The following CD163L1 variants were observed in gnomAD, a reference collection of about 807,000 sequenced individuals.
The protein encoded by CD163L1 is scavenger receptor cysteine-rich type 1 protein M160.
CD163L1 carries 124 observed loss-of-function variants against 165.4 expected under a neutral mutation model. The ratio of observed to expected loss-of-function variants is 0.75; its 90% confidence interval spans 0.65 to 0.87. CD163L1 has a LOEUF of 0.87. Among genes scored for constraint, CD163L1 ranks in the 40% least tolerant of loss-of-function variants. The probability of loss-of-function intolerance (pLI) is 0.00; values close to 1 mark genes in which losing one functional copy is unlikely to be tolerated. For missense variants in CD163L1, 1,525 were observed against 1,799.9 expected (o/e 0.85, Z 2.76); for synonymous variants, 585 against 662.2 (o/e 0.88, Z 1.79).
At position 7,368,444 on chromosome 12, in the gene CD163L1, TA is replaced by T. The variant is rs1947067641; in HGVS notation, c.4073-248del. Among the ~76,000 whole-genome samples the T allele has an allele frequency of 6.6e-6, 1 of 152,138 alleles. No individual in the cohort carries two copies. The highest frequency in any genetic ancestry group is 6.5e-5 in the Admixed American group (1 of 15,270). ...TTCCAATTTTATACAAGAGATTTGA[TA>T]ACTAAACCTTTCCTCTTGCATTGCA... On this transcript the variant is annotated intron_variant, in intron 16 of 19. Coordinates refer to ENST00000313599, the MANE Select transcript of CD163L1 (RefSeq NM_174941.6). The surrounding 1 kb of genome is among the most constrained non-coding windows in gnomAD (Gnocchi z 4.3).
intron 4 of CD163L1, among the ~76,000 whole-genome samples, chr12:7,421,929 C>T (rs1948448222): frequency 6.6e-6 from 1 of 151,910 alleles, no homozygotes; most frequent in African/African-American, 2.4e-5. Flanking sequence ...TACCACAGTG[C>T]TCGAGCTCTG....
At position 7,374,625 on chromosome 12, in the gene CD163L1, T is replaced by G. The variant is rs1947220733; in HGVS notation, c.3226A>C (p.Lys1076Gln). 6.2e-7 allele frequency: 1 copy of G among 1,614,172 alleles called. No individual in the cohort carries two copies. Among genetic ancestry groups the G allele is most frequent in the Non-Finnish European group, 8.5e-7 (1 of 1,180,018 alleles). ...DLSDAHVVCQKLGCGVAFNAT... is the reference protein window; with the variant it reads ...DLSDAHVVCQQLGCGVAFNAT... ...TTGAAGGCCACTCCACAGCCCAGCT[T>G]TTGACACACCACGTGGGCATCGCTC... Residue 1076 changes from lysine (K) to glutamine (Q), a missense_variant, in exon 13 of 20, where the codon AAG (lysine) becomes CAG (glutamine). By Grantham distance (53) the Lys-to-Gln change is moderately conservative. Transcript: ENST00000313599. This position sits in a 1 kb window ranked among gnomAD's most constrained non-coding sequence, Gnocchi z 5.4.
At position 7,374,980 on chromosome 12, in the gene CD163L1, T is replaced by G; in HGVS notation, c.3002-57A>C. The G allele has an allele frequency of 6.8e-7, 1 of 1,468,668 alleles. No individual in the cohort carries two copies. The highest frequency in any genetic ancestry group is 1.7e-5 in the Admixed American group (1 of 59,640). The allele number at this position is 1,468,668 out of a possible 1,614,324, so 91.0% of individuals were successfully genotyped here. On this transcript the variant is annotated intron_variant, in intron 11 of 19. Transcript: ENST00000313599. This position sits in a 1 kb window ranked among gnomAD's most constrained non-coding sequence, Gnocchi z 5.4. ...TAAGACCAAAATACATGGAAAAGGT[T>G]GAAGAGTTCTGTAACAACATGGAAT... is the stretch of plus-strand genomic sequence containing the variant.
the CD163L1 span, among the ~76,000 whole-genome samples, chr12:7,319,294 C>G: frequency 6.6e-6 from 1 of 152,042 alleles, no homozygotes; most frequent in African/African-American, 2.4e-5. Flanking sequence ...GGTGGTAATG[C>G]GGGCAATGGG....
downstream of CD163L1, among the ~76,000 whole-genome samples, chr12:7,352,483 A>C (rs1312783147): frequency 2.6e-5 from 4 of 152,154 alleles, no homozygotes; most frequent in Admixed American, 2.6e-4. Context: ...ACACATGCAG[A>C]AGAAGAGACA....
chr12:7,375,042 C>G, intron 11 of CD163L1, 119 bp from the exon 12 acceptor site: 1 of 980,362 alleles, frequency 1.0e-6, no homozygotes, highest in South Asian at 1.5e-5. Context: ...ACCCTGTCGT[C>G]TATTGAAATC....
intron 9 of CD163L1, among the ~76,000 whole-genome samples, chr12:7,376,923 T>G (rs1947282504): frequency 6.6e-6 from 1 of 152,194 alleles, no homozygotes; most frequent in East Asian, 1.9e-4. Context: ...AGAGGTTATT[T>G]AAAATGATGT....
In CD163L1 at chr12:7,369,622, T is replaced by C. The variant is rs1200807147; in HGVS notation, c.3774A>G (p.Arg1258=). 2 of 1,613,860 alleles carry C rather than the reference T, an allele frequency of 1.2e-6. No homozygotes were observed. The highest frequency in any genetic ancestry group is 2.7e-5 in the African/African-American group (2 of 74,844). The change falls in exon 15 of 20, where the codon AGA becomes AGG. Residue 1258 remains arginine (R), a synonymous_variant. Transcript: ENST00000313599. This position sits in a 1 kb window ranked among gnomAD's most constrained non-coding sequence, Gnocchi z 4.9. ...VRGGDTECSG[R]VEIWHAGSWG... The stretch of plus-strand genomic sequence containing the variant: ...AGGAGCCTGCGTGCCAGATCTCCAC[T>C]CTCCCAGAGCACTCGGTGTCTCCTC...
chr12:7,375,036 T>G, intron 11 of CD163L1, 113 bp from the exon 12 acceptor site: 1 of 1,011,054 alleles, frequency 9.9e-7, no homozygotes, highest in Non-Finnish European at 1.5e-6. Context: ...TTTCAAACCC[T>G]GTCGTCTATT....
chr12:7,394,577 G>C (rs1257494405), intron 8 of CD163L1, among the ~76,000 whole-genome samples: 1 of 152,080 alleles, frequency 6.6e-6, no homozygotes, highest in South Asian at 2.1e-4. Context: ...GGCAACAAAA[G>C]CCAAAATTGA....
rs1947839082 is a variant in CD163L1 at position 7,398,779 on chromosome 12, A to G, written c.1409-195T>C. On this transcript the variant is annotated intron_variant, in intron 6 of 19. Transcript: ENST00000313599. The surrounding 1 kb of genome is among the most constrained non-coding windows in gnomAD (Gnocchi z 4.5). ...ATTTTTGGAGAGAAGGTGTCTCTAA[A>G]GCATGAAACGACGACAGCAAATTTA... is the stretch of plus-strand genomic sequence containing the variant. Among the ~76,000 whole-genome samples, 3 of 152,206 alleles carry G rather than the reference A, an allele frequency of 2.0e-5. No homozygotes were observed. The highest frequency in any genetic ancestry group is 7.2e-5 in the African/African-American group (3 of 41,456).
chr12:7,346,560 A>G (rs1011164648), downstream of CD163L1: 10 of 152,086 alleles, frequency 6.6e-5, no homozygotes, highest in African/African-American at 2.2e-4. Flanking sequence ...AGAGACTGCA[A>G]CTCTTAAGGC....
downstream of CD163L1, among the ~76,000 whole-genome samples, chr12:7,353,350 TA>T (rs1306393927): frequency 1.3e-5 from 2 of 150,974 alleles, no homozygotes; most frequent in Non-Finnish European, 3.0e-5. Flanking sequence ...GAGAAAGAGG[TA>T]GAAAAATATT....
At chr12:7,440,714 C>T (rs750061959) in intron 2 of CD163L1, among the ~76,000 whole-genome samples, 4 of 150,792 alleles carry the variant, frequency 2.7e-5, no homozygotes, top group African/African-American at 9.7e-5. Flanking sequence ...ACAACCTCCA[C>T]TTCCTGGGTT....
the CD163L1 span, chr12:7,324,700 T>C: frequency 7.6e-7 from 1 of 1,314,872 alleles, no homozygotes. Context: ...CTATTAATTC[T>C]CGTTATGAAG....
At position 7,406,839 on chromosome 12, in the gene CD163L1, A is replaced by G. The variant is rs1948030966; in HGVS notation, c.780T>C (p.Leu260=). 6.2e-7 allele frequency: 1 copy of G among 1,613,870 alleles called. No individual in the cohort carries two copies. The highest frequency in any genetic ancestry group is 1.3e-5 in the African/African-American group (1 of 74,912). ...VTLTCYDSSD[L]ELRLVGGTNR... The stretch of plus-strand genomic sequence containing the variant: ...TAGTTCCACCTACAAGCCTTAGTTC[A>G]AGATCACTACTATCTGAAACAGAGA... Residue 260 remains leucine, a synonymous_variant, in exon 5 of 20, where the codon CTT becomes CTC. Coordinates refer to ENST00000313599, the MANE Select transcript of CD163L1 (RefSeq NM_174941.6).
chr12:7,361,986 C>T (rs1328720264), intron 18 of CD163L1, among the ~76,000 whole-genome samples: 1 of 151,728 alleles, frequency 6.6e-6, no homozygotes, highest in African/African-American at 2.4e-5. Flanking sequence ...CTATGTACCT[C>T]TTATAAAGTG....
In CD163L1 at chr12:7,368,877, G is replaced by T; in HGVS notation, c.4072+56C>A. ...ATCATAGCAGTTTCTGCCCTCCCTT[G>T]ACCTTCCATGTAGCCTTAGGTATTT... On this transcript the variant is annotated intron_variant, in intron 16 of 19. Transcript: ENST00000313599. This position sits in a 1 kb window ranked among gnomAD's most constrained non-coding sequence, Gnocchi z 4.3. The T allele has an allele frequency of 1.3e-6, 2 of 1,588,580 alleles. No homozygotes were observed. The highest frequency in any genetic ancestry group is 2.2e-5 in the South Asian group (2 of 90,276).
intron 9 of CD163L1, among the ~76,000 whole-genome samples, chr12:7,378,118 C>CT (rs1416108403): frequency 1.3e-5 from 2 of 152,244 alleles, no homozygotes; most frequent in Non-Finnish European, 2.9e-5. Context: ...GATGATGACA[C>CT]TGCAGTGCAC....
Sources: gnomAD v4.1 joint callset for allele counts (sites outside exome capture counted in the v4.1 genomes callset) on GRCh38, gnomAD v4.1.1 for gene constraint, Gnocchi (gnomAD v3.1) non-coding constraint, MANE v1.5 for transcripts, NCBI Gene and HGNC (gene_info 2026-07-23, HGNC 2026-07-21) for gene names.